The following TNFRSF21 variants were observed in gnomAD, a reference collection of about 807,000 sequenced individuals.
The protein encoded by TNFRSF21 is TNF receptor superfamily member 21, also known as tumor necrosis factor receptor superfamily member 21.
TNFRSF21 carries 19 observed loss-of-function variants against 45.6 expected under a neutral mutation model. The observed-to-expected ratio is 0.42, with a 90% CI of 0.29 to 0.61. TNFRSF21 has a LOEUF of 0.61. Ranked by LOEUF, TNFRSF21 falls within the 20% of genes least tolerant of loss-of-function variation. TNFRSF21 has a pLI of 0.23. For synonymous variants in TNFRSF21, 314 were observed against 335.5 expected (o/e 0.94, Z 0.70); for missense variants, 737 against 851.5 (o/e 0.87, Z 1.67).
chr6:47,302,138 C>T (rs1407199857), intron 1 of TNFRSF21, among the ~76,000 whole-genome samples: 1 of 152,178 alleles, frequency 6.6e-6, no homozygotes, highest in Non-Finnish European at 1.5e-5. Context: ...TCTCTACAAC[C>T]TACGAAGCGA....
chr6:47,280,708 T>C (rs1762555468), intron 3 of TNFRSF21, among the ~76,000 whole-genome samples: 1 of 152,212 alleles, frequency 6.6e-6, no homozygotes, highest in Non-Finnish European at 1.5e-5. Context: ...TAGTAGTTTA[T>C]AAGGTTACCA....
chr6:47,263,995 T>C (rs1762287865), intron 3 of TNFRSF21, among the ~76,000 whole-genome samples: 1 of 152,248 alleles, frequency 6.6e-6, no homozygotes, highest in South Asian at 2.1e-4. Flanking sequence ...CATTGCCATG[T>C]TAGCCACCAG....
chr6:47,253,741 A>G (rs1412482163), intron 3 of TNFRSF21, among the ~76,000 whole-genome samples: 1 of 152,226 alleles, frequency 6.6e-6, no homozygotes. Flanking sequence ...TGGAACCAGA[A>G]GAAGGAATGA....
chr6:47,244,468 T>G (rs1306778993), intron 4 of TNFRSF21, among the ~76,000 whole-genome samples: 2 of 152,158 alleles, frequency 1.3e-5, no homozygotes, highest in African/African-American at 4.8e-5. Flanking sequence ...TTTCAACCTG[T>G]GATTATTTTG....
Position 47,234,824 on chromosome 6 carries a change from C to A in TNFRSF21, c.1584G>T (p.Ala528=), listed in dbSNP as rs754302520. 6.5e-7 allele frequency: 1 copy of A among 1,545,278 alleles called. No individual in the cohort carries two copies. Residue 528 remains alanine (A), a synonymous_variant, in exon 5 of 6, where the codon GCG becomes GCT. Transcript: ENST00000296861. The stretch of plus-strand genomic sequence containing the variant: ...TCAGGAGAGCGGAATTCTCAAGTTT[C>A]GCGTTGGGGCTGGGGATGGGGCTCG... ...LSPSPIPSPN[A]KLENSALLTV...
At chr6:47,277,381 G>A (rs1484166942) in intron 3 of TNFRSF21, among the ~76,000 whole-genome samples, 1 of 152,218 alleles carries the variant, frequency 6.6e-6, no homozygotes, top group Non-Finnish European at 1.5e-5. Flanking sequence ...GACTGCCAGA[G>A]AGGAAGGAGG....
rs760382561 is a variant in TNFRSF21 at position 47,286,104 on chromosome 6, G to C, written c.588C>G (p.Asn196Lys). The part of the protein sequence containing the change: ...CKAYTDCLSQ[N>K]LVVIKPGTKE... ...TGGTCCCCGGCTTGATCACCACCAG[G>C]TTCTGACTCAGACAGTCTGTGTATG... Residue 196 changes from asparagine (N) to lysine (K), a missense_variant, in exon 2 of 6, where the codon AAC (asparagine) becomes AAG (lysine). Asn to Lys is a moderately conservative substitution (Grantham distance 94). Coordinates refer to ENST00000296861, the MANE Select transcript of TNFRSF21 (RefSeq NM_014452.5). The C allele has an allele frequency of 1.4e-5, 23 of 1,614,078 alleles. No homozygotes were observed. The highest frequency in any genetic ancestry group is 8.0e-5 in the African/African-American group (6 of 74,918).
intron 5 of TNFRSF21, 32 bp downstream of exon 5, chr6:47,234,638 T>C (rs981088252): frequency 6.4e-7 from 1 of 1,550,424 alleles, no homozygotes; most frequent in East Asian, 2.3e-5. Flanking sequence ...GGGGTTTAAG[T>C]GCGTGTGTGA....
At chr6:47,258,236 G>A (rs9473041) in intron 3 of TNFRSF21, among the ~76,000 whole-genome samples, 3 of 151,470 alleles carry the variant, frequency 2.0e-5, no homozygotes, top group Non-Finnish European at 4.4e-5. Context: ...GAGGCGTGGT[G>A]GTGCACACCT....
chr6:47,253,433 C>T lies in TNFRSF21; in HGVS notation c.1332G>A (p.Glu444=), dbSNP rs143426066. The T allele has an allele frequency of 1.9e-6, 3 of 1,614,190 alleles. No homozygotes were observed. The highest frequency in any genetic ancestry group is 2.5e-6 in the Non-Finnish European group (3 of 1,180,036). Residue 444 remains glutamate, a synonymous_variant, in exon 4 of 6, where the codon GAG becomes GAA. Coordinates refer to ENST00000296861, the MANE Select transcript of TNFRSF21 (RefSeq NM_014452.5). ...YQFLCNASER[E]VAAFSNGYTA... ...TGTACCCATTGGAGAAAGCAGCAACCTCCCTCTCACTGGCATTGCAAAGAA... is the reference window on the plus strand; with the variant it reads ...TGTACCCATTGGAGAAAGCAGCAACTTCCCTCTCACTGGCATTGCAAAGAA...
At chr6:47,292,711 A>T (rs1226499463) in intron 1 of TNFRSF21, among the ~76,000 whole-genome samples, 1 of 152,232 alleles carries the variant, frequency 6.6e-6, no homozygotes, top group Non-Finnish European at 1.5e-5. Context: ...ACAATTAGGA[A>T]CTATAAAGTA....
At chr6:47,293,525 A>G (rs995566236) in intron 1 of TNFRSF21, among the ~76,000 whole-genome samples, 4 of 152,218 alleles carry the variant, frequency 2.6e-5, no homozygotes, top group African/African-American at 9.6e-5. Context: ...ATGCTGGATA[A>G]TATACTATCC....
In TNFRSF21 at chr6:47,254,057, A is replaced by G. The variant is rs189016827; in HGVS notation, c.1244-536T>C. On this transcript the variant is annotated intron_variant, in intron 3 of 5. Transcript: ENST00000296861. Reference sequence around the variant, plus strand: ...TTAAGTGGGGAACTTTCATGTTTTCACTTAAAGGAAGCACTTTATGGCCGC... The same window carrying G: ...TTAAGTGGGGAACTTTCATGTTTTCGCTTAAAGGAAGCACTTTATGGCCGC... Among the ~76,000 whole-genome samples the G allele has an allele frequency of 6.1e-3, 922 of 152,316 alleles. 4 individuals are homozygous for G. Among genetic ancestry groups the G allele is most frequent in the Middle Eastern group, 0.027 (8 of 294 alleles).
In TNFRSF21 at chr6:47,264,322, G is replaced by A. The variant is rs1406296069; in HGVS notation, c.1244-10801C>T. ...GCAGGCGGATCATTTGAGGTCAGGAGTTTGAGACCAGCTTGGCCGACATGG... is the reference window on the plus strand; with the variant it reads ...GCAGGCGGATCATTTGAGGTCAGGAATTTGAGACCAGCTTGGCCGACATGG... On this transcript the variant is annotated intron_variant, in intron 3 of 5. Coordinates refer to ENST00000296861, the MANE Select transcript of TNFRSF21 (RefSeq NM_014452.5). Among the ~76,000 whole-genome samples, 4 of 152,152 alleles carry A rather than the reference G, an allele frequency of 2.6e-5. 1 individual carries two copies. The highest frequency in any genetic ancestry group is 4.8e-5 in the African/African-American group (2 of 41,436).
At chr6:47,307,643 G>C (rs1264967076) in intron 1 of TNFRSF21, among the ~76,000 whole-genome samples, 1 of 152,148 alleles carries the variant, frequency 6.6e-6, no homozygotes, top group Non-Finnish European at 1.5e-5. Flanking sequence ...CAAAACGCTG[G>C]GATTACAGGC....
chr6:47,256,249 G>A (rs1311007357), intron 3 of TNFRSF21, among the ~76,000 whole-genome samples: 1 of 152,196 alleles, frequency 6.6e-6, no homozygotes, highest in African/African-American at 2.4e-5. Flanking sequence ...GAATGGATGG[G>A]CAGGGTGGCT....
intron 3 of TNFRSF21, among the ~76,000 whole-genome samples, chr6:47,261,581 A>G (rs917888950): frequency 3.9e-5 from 6 of 152,200 alleles, no homozygotes; most frequent in African/African-American, 1.4e-4. Context: ...CAACAGTTCT[A>G]TGGTGTCCTA....
intron 1 of TNFRSF21, among the ~76,000 whole-genome samples, chr6:47,289,913 G>A (rs554818358): frequency 1.6e-4 from 25 of 152,174 alleles, no homozygotes; most frequent in Non-Finnish European, 3.1e-4. Flanking sequence ...AGAATTGCTT[G>A]AGCCTGGGAG....
intron 1 of TNFRSF21, among the ~76,000 whole-genome samples, chr6:47,289,766 G>C (rs975332500): frequency 6.6e-6 from 1 of 152,100 alleles, no homozygotes; most frequent in Admixed American, 6.6e-5. Context: ...GGCCAAGGTG[G>C]GCAGGTCATT....
Sources: gnomAD v4.1 joint callset for allele counts (sites outside exome capture counted in the v4.1 genomes callset) on GRCh38, gnomAD v4.1.1 for gene constraint, MANE v1.5 for transcripts, NCBI Gene and HGNC (gene_info 2026-07-23, HGNC 2026-07-21) for gene names.